Variants in ANO3 observed in about 807,000 individuals in gnomAD.
The protein encoded by ANO3 is anoctamin 3.
ANO3 carries 99 observed loss-of-function variants against 144.8 expected under a neutral mutation model. The ratio of observed to expected loss-of-function variants is 0.68; its 90% CI spans 0.58 to 0.81. ANO3 has a LOEUF of 0.81. Among genes scored for constraint, ANO3 ranks in the 30% least tolerant of loss-of-function variants. ANO3 has a pLI of 0.00. For synonymous variants in ANO3, 414 were observed against 392.6 expected (o/e 1.05, Z -0.64); for missense variants, 905 against 1,202.2 (o/e 0.75, Z 3.66).
intron 1 of ANO3, among the ~76,000 whole-genome samples, chr11:26,204,987 G>A (rs564317932): frequency 6.6e-6 from 1 of 152,240 alleles, no homozygotes; most frequent in South Asian, 2.1e-4. Flanking sequence ...AAAGGCCTCA[G>A]GAAACTTACA....
chr11:26,494,134 A>G (rs1860829321), intron 4 of ANO3, among the ~76,000 whole-genome samples: 1 of 151,904 alleles, frequency 6.6e-6, no homozygotes. Flanking sequence ...TTTTGCAGAA[A>G]TAGTATAATC....
chr11:26,402,432 G>A (rs922764888), intron 1 of ANO3, among the ~76,000 whole-genome samples: 2 of 151,916 alleles, frequency 1.3e-5, no homozygotes, highest in African/African-American at 4.8e-5. Context: ...TTAACCCCAT[G>A]TATGTCTGCT....
intron 1 of ANO3, among the ~76,000 whole-genome samples, chr11:26,373,132 T>C (rs1856309524): frequency 6.6e-6 from 1 of 152,174 alleles, no homozygotes; most frequent in Admixed American, 6.6e-5. Flanking sequence ...ATGTAAATGA[T>C]GCTTTTTAAC....
rs201661220 is a variant in ANO3, at chr11:26,224,934, C to T, written c.154+35604C>T. Among the ~76,000 whole-genome samples the T allele has an allele frequency of 3.3e-5, 5 of 152,224 alleles. No homozygotes were observed. The East Asian group carries it at 9.7e-4, about 29-fold the overall frequency. On this transcript the variant is annotated intron_variant, in intron 1 of 27. Coordinates refer to the ANO3 transcript ENST00000672621. ...GTGCACTAACATCCATCTTCTCTTG[C>T]TTGGAGGGTAAGGCCTTTTTGCTTG...
At chr11:26,413,626 A>G (rs1857491004) in intron 1 of ANO3, among the ~76,000 whole-genome samples, 1 of 152,078 alleles carries the variant, frequency 6.6e-6, no homozygotes, top group East Asian at 1.9e-4. Context: ...GGAAGGTTGC[A>G]CACCCAAGGC....
chr11:26,295,752 G>A (rs1160699135), intron 1 of ANO3, among the ~76,000 whole-genome samples: 1 of 152,040 alleles, frequency 6.6e-6, no homozygotes, highest in African/African-American at 2.4e-5. Flanking sequence ...ATATATTTCT[G>A]GGTTTTGTTC....
intron 1 of ANO3, among the ~76,000 whole-genome samples, chr11:26,373,088 A>G (rs1267856644): frequency 2.0e-5 from 3 of 152,186 alleles, no homozygotes; most frequent in East Asian, 1.9e-4. Context: ...CATGGCAATT[A>G]TGTATATACG....
At chr11:26,429,293 C>G (rs1262177278) in intron 1 of ANO3, among the ~76,000 whole-genome samples, 2 of 152,014 alleles carry the variant, frequency 1.3e-5, no homozygotes, top group East Asian at 1.9e-4. Flanking sequence ...GAAAGCAAAC[C>G]CGTTTCTTCC....
chr11:26,598,943 C>T lies in ANO3; in HGVS notation c.1616C>T (p.Pro539Leu). The T allele has an allele frequency of 6.2e-7, 1 of 1,614,008 alleles. No individual in the cohort carries two copies. The highest frequency in any genetic ancestry group is 2.2e-5 in the East Asian group (1 of 44,854). ...ACGGGAAAACCTGAACCACATCAGC[C>T]TTCCTCAGACAAAGTCACTCGTCTT... is the stretch of plus-strand genomic sequence containing the variant. The part of the protein sequence containing the change: ...PITGKPEPHQ[P>L]SSDKVTRLLV... The change falls in exon 16 of 27, where the codon CCT becomes CTT. Residue 539 changes from proline (P) to leucine (L), a missense_variant. Pro to Leu is a moderately conservative substitution (Grantham distance 98). This residue lies in a region of ANO3 where 597 missense variants were observed against 865.1 expected (regional missense o/e 0.69). Transcript: ENST00000256737.
chr11:26,447,258 G>C (rs1344281981), intron 3 of ANO3, among the ~76,000 whole-genome samples: 1 of 143,226 alleles, frequency 7.0e-6, no homozygotes, highest in Non-Finnish European at 1.5e-5. Context: ...ATGGCATAAT[G>C]ATGGCACGAT....
chr11:26,572,000 G>T, intron 14 of ANO3: 1 of 758,750 alleles, frequency 1.3e-6, no homozygotes, highest in Non-Finnish European at 1.6e-6. Flanking sequence ...GAGAGTGAAA[G>T]AGAGAAAGCG....
chr11:26,282,487 T>C (rs1448262220), intron 1 of ANO3, among the ~76,000 whole-genome samples: 1 of 152,172 alleles, frequency 6.6e-6, no homozygotes, highest in Non-Finnish European at 1.5e-5. Context: ...ATATTTTCTT[T>C]TATTCCACTT....
chr11:26,258,163 GAGTA>G (rs1202172228), intron 1 of ANO3, among the ~76,000 whole-genome samples: 4 of 152,232 alleles, frequency 2.6e-5, no homozygotes, highest in African/African-American at 9.6e-5. Flanking sequence ...ATTCTTACAA[GAGTA>G]AGTATGTATT....
intron 20 of ANO3, 73 bp from the exon 21 acceptor site, chr11:26,639,071 A>G (rs1590663925): frequency 3.9e-6 from 4 of 1,035,436 alleles, no homozygotes; most frequent in South Asian, 1.3e-5. Flanking sequence ...TTGCTGTACA[A>G]TTTAATGGTG....
At chr11:26,325,366 G>A (rs1020453033) in intron 1 of ANO3, among the ~76,000 whole-genome samples, 1 of 152,050 alleles carries the variant, frequency 6.6e-6, no homozygotes, top group African/African-American at 2.4e-5. Flanking sequence ...CTGTTACTTA[G>A]AGGAATTATA....
intron 13 of ANO3, among the ~76,000 whole-genome samples, chr11:26,558,750 A>G (rs931305625): frequency 6.6e-6 from 1 of 152,114 alleles, no homozygotes; most frequent in Non-Finnish European, 1.5e-5. Context: ...AGATGTTACA[A>G]CTGAAATACG....
chr11:26,534,546 T>TG lies in ANO3; in HGVS notation c.962dup (p.Ile322AsnfsTer8). On this transcript the variant is annotated frameshift_variant, in exon 9 of 27. Coordinates refer to ENST00000256737, the MANE Select transcript of ANO3 (RefSeq NM_031418.4). LOFTEE classifies it high-confidence loss of function. ...TGCTGGAACGCACCAAATATGAAAA[T>TG]GGAATATCAAAAGTGGGTAAGAACA... The TG allele has an allele frequency of 6.2e-7, 1 of 1,610,888 alleles. No homozygotes were observed. The highest frequency in any genetic ancestry group is 8.5e-7 in the Non-Finnish European group (1 of 1,177,624).
intron 1 of ANO3, among the ~76,000 whole-genome samples, chr11:26,374,358 T>C (rs964809572): frequency 2.6e-5 from 4 of 152,152 alleles, no homozygotes; most frequent in Non-Finnish European, 5.9e-5. Flanking sequence ...TGTAGTCCTG[T>C]ATAGGTCTTA....
chr11:26,564,726 C>T (rs1266453621), intron 14 of ANO3, among the ~76,000 whole-genome samples: 19 of 49,312 alleles, frequency 3.9e-4, no homozygotes, highest in Admixed American at 5.7e-4. Flanking sequence ...CACACACACA[C>T]ACACACATAT....
Sources: allele counts gnomAD v4.1 joint callset (sites outside exome capture counted in the v4.1 genomes callset), GRCh38; gene constraint gnomAD v4.1.1; regional missense constraint gnomAD v4.1.1; transcripts MANE v1.5; gene names NCBI Gene and HGNC (gene_info 2026-07-23, HGNC 2026-07-21).